PGM5: variants seen among roughly 807,000 people sequenced by gnomAD.
The protein encoded by PGM5 is phosphoglucomutase-like protein 5.
Under a neutral mutation model 59.2 loss-of-function variants are expected in PGM5, and 23 were observed. That is an observed-to-expected ratio of 0.39 (90% CI 0.28 to 0.55). PGM5 has a LOEUF of 0.55. Ranked by LOEUF, PGM5 falls within the 20% of genes least tolerant of loss-of-function variation. The pLI, the probability that PGM5 is intolerant of heterozygous loss-of-function variation, is 0.66. For missense variants in PGM5, 574 were observed against 748.3 expected (o/e 0.77, Z 2.72); for synonymous variants, 214 against 286.0 (o/e 0.75, Z 2.54).
chr9:68,480,810 G>A (rs1246920521), intron 8 of PGM5, among the ~76,000 whole-genome samples: 1 of 152,182 alleles, frequency 6.6e-6, no homozygotes, highest in Non-Finnish European at 1.5e-5. Flanking sequence ...AGGAGCTTAG[G>A]GTTGGGGGTC....
At chr9:68,447,131 A>C (rs1301912012) in intron 6 of PGM5, among the ~76,000 whole-genome samples, 1 of 152,104 alleles carries the variant, frequency 6.6e-6, no homozygotes, top group Non-Finnish European at 1.5e-5. Context: ...CTGAAGCATA[A>C]ATCATAAGGG....
At chr9:68,367,728 G>C (rs2131979343) in intron 1 of PGM5, among the ~76,000 whole-genome samples, 2 of 151,648 alleles carry the variant, frequency 1.3e-5, no homozygotes, top group Admixed American at 1.3e-4. Context: ...TAGTTCACTG[G>C]AACATAGTAT....
chr9:68,366,701 T>C (rs1188154988), intron 1 of PGM5, among the ~76,000 whole-genome samples: 3 of 152,246 alleles, frequency 2.0e-5, no homozygotes, highest in Non-Finnish European at 4.4e-5. Context: ...TTGCAACTTA[T>C]ATGACCATGG....
intron 5 of PGM5, 39 bp downstream of exon 5, chr9:68,391,763 A>G (rs1337413456): frequency 3.1e-6 from 5 of 1,599,206 alleles, no homozygotes; most frequent in Non-Finnish European, 4.3e-6. Context: ...CCCTTTGATC[A>G]TATAATGAGC....
At chr9:68,507,264 C>T (rs926292177) in intron 10 of PGM5, among the ~76,000 whole-genome samples, 2 of 152,096 alleles carry the variant, frequency 1.3e-5, no homozygotes, top group African/African-American at 2.4e-5. Context: ...TCCACTTAGA[C>T]GAGAGGCGTG....
At chr9:68,521,954 C>A (rs564931886) in intron 10 of PGM5, among the ~76,000 whole-genome samples, 1 of 152,128 alleles carries the variant, frequency 6.6e-6, no homozygotes, top group African/African-American at 2.4e-5. Flanking sequence ...TTAGAGCTCA[C>A]ATTTGAATAA....
intron 1 of PGM5, among the ~76,000 whole-genome samples, chr9:68,370,176 T>C (rs1243042245): frequency 6.6e-6 from 1 of 152,194 alleles, no homozygotes; most frequent in Non-Finnish European, 1.5e-5. Flanking sequence ...GAAGTTTCTG[T>C]TCATTGTGTC....
chr9:68,381,250 C>T (rs1822064346), intron 2 of PGM5, among the ~76,000 whole-genome samples: 1 of 151,838 alleles, frequency 6.6e-6, no homozygotes, highest in Non-Finnish European at 1.5e-5. Context: ...GCAAGACTGG[C>T]TAAACAGAAT....
chr9:68,413,295 C>A (rs1822966165), intron 6 of PGM5, among the ~76,000 whole-genome samples: 1 of 152,100 alleles, frequency 6.6e-6, no homozygotes, highest in South Asian at 2.1e-4. Context: ...ACCCTAAATT[C>A]TGCCTCCATA....
At chr9:68,528,498 A>G (rs929024611) in intron 10 of PGM5, among the ~76,000 whole-genome samples, 10 of 152,190 alleles carry the variant, frequency 6.6e-5, no homozygotes, top group Middle Eastern at 3.2e-3. Flanking sequence ...CAGCCTTCCA[A>G]AATATTGGGA....
chr9:68,431,543 A>C (rs782605477), intron 6 of PGM5, among the ~76,000 whole-genome samples: 2 of 152,200 alleles, frequency 1.3e-5, no homozygotes, highest in Non-Finnish European at 2.9e-5. Context: ...TTCTTAGTTT[A>C]CTTTGTTGAA....
chr9:68,465,985 A>C (rs1451990134), intron 7 of PGM5, among the ~76,000 whole-genome samples: 1 of 152,056 alleles, frequency 6.6e-6, no homozygotes, highest in Non-Finnish European at 1.5e-5. Context: ...GTTGTTGTTC[A>C]TTAATTTTAG....
intron 6 of PGM5, among the ~76,000 whole-genome samples, chr9:68,444,401 C>T (rs1554683890): frequency 6.6e-6 from 1 of 152,066 alleles, no homozygotes; most frequent in Admixed American, 6.5e-5. Context: ...GTGCTAGAAG[C>T]AAGACCAATT....
rs782546219 is a variant in PGM5 at position 68,483,929 on chromosome 9, G to A, written c.1360G>A (p.Val454Ile). Residue 454 changes from valine to isoleucine, a missense_variant, in exon 9 of 11, where the codon GTC becomes ATC. Around this residue, in one of 7 missense-constraint regions of PGM5, gnomAD observed 300 missense variants for 280.0 expected, o/e 1.07. Transcript: ENST00000396396. The part of the protein sequence containing the change: ...YYIMRDLEAL[V>I]TDKSFIGQQF... ...TATCATGAGGGACCTGGAGGCCCTG[G>A]TCACAGACAAATCCTTCATTGGCCA... 6.2e-7 allele frequency: 1 copy of A among 1,614,144 alleles called. No individual in the cohort carries two copies. Among genetic ancestry groups the A allele is most frequent in the Non-Finnish European group, 8.5e-7 (1 of 1,180,000 alleles).
At chr9:68,362,285 C>T (rs1834591885) in intron 1 of PGM5, among the ~76,000 whole-genome samples, 1 of 152,120 alleles carries the variant, frequency 6.6e-6, no homozygotes, top group South Asian at 2.1e-4. Context: ...TTAACTACCT[C>T]CACAGGTGAC....
In PGM5 at chr9:68,392,472, A is replaced by G; in HGVS notation, c.1042A>G (p.Arg348Gly). 1 of 1,610,792 alleles carries G rather than the reference A, an allele frequency of 6.2e-7. No individual in the cohort carries two copies. Among genetic ancestry groups the G allele is most frequent in the East Asian group, 2.2e-5 (1 of 44,846 alleles). ...TATGCCAACCAGCATGGCCCTGGAC[A>G]GGTAAGCAAGGATGTCACCGTGAAA... is the stretch of plus-strand genomic sequence containing the variant. ...RSMPTSMALDRVAKSMKVPVY... is the reference protein window; with the variant it reads ...RSMPTSMALDGVAKSMKVPVY... The change falls in exon 6 of 11, where the codon AGA becomes GGA. Residue 348 changes from arginine (R) to glycine (G), a missense_variant and splice_region_variant. Coordinates refer to ENST00000396396, the MANE Select transcript of PGM5 (RefSeq NM_021965.4).
intron 9 of PGM5, among the ~76,000 whole-genome samples, chr9:68,487,492 AC>A (rs1554687620): frequency 3.3e-5 from 5 of 151,464 alleles, no homozygotes; most frequent in African/African-American, 1.2e-4. Context: ...ACACACACAC[AC>A]ACACAAATCA....
chr9:68,455,916 T>G (rs960304463), intron 6 of PGM5, among the ~76,000 whole-genome samples: 3 of 152,246 alleles, frequency 2.0e-5, no homozygotes, highest in Non-Finnish European at 4.4e-5. Context: ...ATTTCTTTTT[T>G]GTGGCTCTTT....
intron 6 of PGM5, among the ~76,000 whole-genome samples, chr9:68,445,940 T>TTAC (rs1823604853): frequency 6.6e-6 from 1 of 152,246 alleles, no homozygotes; most frequent in Non-Finnish European, 1.5e-5. Context: ...AAGGTGTTCC[T>TTAC]TACAGACATG....
Sources: gnomAD v4.1 joint callset for allele counts (sites outside exome capture counted in the v4.1 genomes callset) on GRCh38, gnomAD v4.1.1 for gene constraint, gnomAD v4.1.1 regional missense constraint, MANE v1.5 for transcripts, NCBI Gene and HGNC (gene_info 2026-07-23, HGNC 2026-07-21) for gene names.